Variants in ERBB4 observed in about 807,000 individuals in gnomAD.
ERBB4 encodes the protein receptor tyrosine-protein kinase erbB-4.
A neutral mutation model predicts 158.0 loss-of-function variants in ERBB4; 42 were observed. The ratio of observed to expected loss-of-function variants is 0.27; its 90% confidence interval spans 0.21 to 0.34. The LOEUF (loss-of-function observed/expected upper bound fraction) is 0.34, where lower values mean the gene tolerates loss of function less well. Ranked by LOEUF, ERBB4 falls within the 10% of genes least tolerant of loss-of-function variation. The pLI, the probability that ERBB4 is intolerant of heterozygous loss-of-function variation, is 1.00. For synonymous variants in ERBB4, 583 were observed against 558.7 expected (o/e 1.04, Z -0.61); for missense variants, 1,333 against 1,624.1 (o/e 0.82, Z 3.08).
intron 24 of ERBB4, 109 bp downstream of exon 24, chr2:211,421,898 A>C (rs2063522132): frequency 1.3e-6 from 1 of 748,716 alleles, no homozygotes; most frequent in East Asian, 2.6e-5. Flanking sequence ...CTGCTTAATT[A>C]ATCAACATGT....
intron 3 of ERBB4, among the ~76,000 whole-genome samples, chr2:211,864,084 A>G (rs1446501313): frequency 6.6e-6 from 1 of 152,166 alleles, no homozygotes; most frequent in African/African-American, 2.4e-5. Flanking sequence ...CCCCACTACC[A>G]TCTCTAGATT....
At chr2:212,502,142 C>T (rs1031930743) in intron 1 of ERBB4, among the ~76,000 whole-genome samples, 4 of 152,042 alleles carry the variant, frequency 2.6e-5, no homozygotes, top group African/African-American at 9.7e-5. Flanking sequence ...GTACAGAGCA[C>T]ATTTTTCTCC....
At chr2:212,060,166 C>G (rs1575582053) in intron 2 of ERBB4, among the ~76,000 whole-genome samples, 1 of 152,272 alleles carries the variant, frequency 6.6e-6, no homozygotes, top group East Asian at 1.9e-4. Context: ...ACAGACACTT[C>G]TCAAAATAAG....
chr2:211,471,986 G>A (rs889782073), intron 20 of ERBB4, among the ~76,000 whole-genome samples: 2 of 151,994 alleles, frequency 1.3e-5, no homozygotes, highest in African/African-American at 4.8e-5. Flanking sequence ...TTAAAAAAGG[G>A]GGAAAAAAGA....
At chr2:211,563,433 A>C (rs970727959) in intron 19 of ERBB4, among the ~76,000 whole-genome samples, 1 of 152,214 alleles carries the variant, frequency 6.6e-6, no homozygotes, top group African/African-American at 2.4e-5. Context: ...GACATTCTGC[A>C]AAGAAACTGG....
At chr2:211,751,583 T>A (rs1193664028) in intron 4 of ERBB4, among the ~76,000 whole-genome samples, 1 of 152,256 alleles carries the variant, frequency 6.6e-6, no homozygotes, top group East Asian at 1.9e-4. Flanking sequence ...ATGCTTCTTA[T>A]TAAACATTGT....
intron 1 of ERBB4, among the ~76,000 whole-genome samples, chr2:212,165,533 G>A (rs530405507): frequency 6.6e-6 from 1 of 151,858 alleles, no homozygotes; most frequent in Non-Finnish European, 1.5e-5. Context: ...AGAAGAAGTG[G>A]GCTGTTCATA....
At chr2:212,061,722 T>C (rs374345619) in intron 2 of ERBB4, among the ~76,000 whole-genome samples, 41 of 151,310 alleles carry the variant, frequency 2.7e-4, no homozygotes, top group African/African-American at 9.4e-4. Context: ...TTTCTTTCTT[T>C]TCCTTTTTTC....
chr2:211,941,515 C>A (rs1486797251), intron 3 of ERBB4, among the ~76,000 whole-genome samples: 1 of 151,910 alleles, frequency 6.6e-6, no homozygotes, highest in African/African-American at 2.4e-5. Flanking sequence ...AAGGATGAAA[C>A]ATGATGATGG....
chr2:211,823,219 T>C (rs2077031425), intron 3 of ERBB4, among the ~76,000 whole-genome samples: 1 of 151,984 alleles, frequency 6.6e-6, no homozygotes, highest in African/African-American at 2.4e-5. Context: ...TTTGGATGAA[T>C]CATCTTGGGG....
intron 1 of ERBB4, among the ~76,000 whole-genome samples, chr2:212,523,695 G>T (rs1363777334): frequency 6.6e-6 from 1 of 151,952 alleles, no homozygotes. Context: ...AATTTTTAGA[G>T]GCTATGAAAA....
chr2:211,601,973 T>C (rs1034160316), intron 19 of ERBB4, among the ~76,000 whole-genome samples: 1 of 152,170 alleles, frequency 6.6e-6, no homozygotes, highest in African/African-American at 2.4e-5. Context: ...CTGTGATAAA[T>C]AAGTGAGTTC....
intron 2 of ERBB4, among the ~76,000 whole-genome samples, chr2:211,995,422 T>C (rs567625465): frequency 1.3e-5 from 2 of 152,248 alleles, no homozygotes; most frequent in African/African-American, 4.8e-5. Context: ...TTCCTCAACA[T>C]TGTTTTTAAG....
intron 1 of ERBB4, among the ~76,000 whole-genome samples, chr2:212,142,564 A>T (rs1229156060): frequency 6.7e-6 from 1 of 149,016 alleles, no homozygotes; most frequent in African/African-American, 2.4e-5. Flanking sequence ...AGAAAAGGTC[A>T]AACAGTTAAA....
At chr2:212,150,312 G>A (rs1047566398) in intron 1 of ERBB4, among the ~76,000 whole-genome samples, 1 of 152,084 alleles carries the variant, frequency 6.6e-6, no homozygotes, top group East Asian at 1.9e-4. Flanking sequence ...TGCACATGGT[G>A]TTCTCCCTGC....
chr2:211,653,531 G>T (rs887350097), intron 16 of ERBB4, among the ~76,000 whole-genome samples: 2 of 148,076 alleles, frequency 1.4e-5, no homozygotes, highest in African/African-American at 5.0e-5. Context: ...ATATAATGGG[G>T]TGGAAGGACT....
At chr2:212,425,811 G>C (rs1445715601) in intron 1 of ERBB4, among the ~76,000 whole-genome samples, 2 of 151,760 alleles carry the variant, frequency 1.3e-5, no homozygotes, top group South Asian at 2.1e-4. Context: ...TTGCTAGTTG[G>C]TATCCATCAT....
rs370184960 is a variant in ERBB4 at position 211,415,603 on chromosome 2, GTTAA to G, written c.3135+4834_3135+4837del. On this transcript the variant is annotated intron_variant, in intron 25 of 27. Transcript: ENST00000342788. ...GGGCTAAATTTATAAAAATCTCATG[GTTAA>G]TTACAGTGTGTGTGGTAACCTTATA... 3.4e-3 allele frequency among the ~76,000 whole-genome samples: 524 copies of G among 152,150 alleles called. 2 individuals are homozygous for G. The highest frequency in any genetic ancestry group is 0.012 in the African/African-American group (493 of 41,520).
intron 3 of ERBB4, among the ~76,000 whole-genome samples, chr2:211,911,639 G>C (rs963941630): frequency 2.6e-5 from 4 of 152,084 alleles, no homozygotes; most frequent in African/African-American, 9.7e-5. Flanking sequence ...ATGACTTGCA[G>C]AAGCCAATGT....
Sources: gnomAD v4.1 joint callset for allele counts (sites outside exome capture counted in the v4.1 genomes callset) on GRCh38, gnomAD v4.1.1 for gene constraint, MANE v1.5 for transcripts, NCBI Gene and HGNC (gene_info 2026-07-23, HGNC 2026-07-21) for gene names.